Variants in MILR1 observed in about 807,000 individuals in gnomAD.
MILR1 encodes the protein mast cell immunoglobulin like receptor 1.
A neutral mutation model predicts 18.5 loss-of-function variants in MILR1; 31 were observed. The ratio of observed to expected loss-of-function variants is 1.68; its 90% CI spans 1.26 to 2.26. The LOEUF is 2.26. Among genes scored for constraint, MILR1 ranks in the 30% most tolerant of loss-of-function variants. The pLI, the probability that MILR1 is intolerant of heterozygous loss-of-function variation, is 0.00. For missense variants in MILR1, 257 were observed against 157.4 expected, an observed-to-expected ratio of 1.63 and a Z score of -3.38; for synonymous variants, 85 against 56.2, an observed-to-expected ratio of 1.51 and a Z score of -2.30.
At chr17:64,496,339 A>G in the MILR1 span, 1 of 1,032,900 alleles carries the variant, frequency 9.7e-7, no homozygotes. Context: ...GCAATCCCCA[A>G]GATCCAGCAA....
At chr17:64,489,533 G>A in the MILR1 span, among the ~76,000 whole-genome samples, 6 of 151,902 alleles carry the variant, frequency 3.9e-5, no homozygotes, top group African/African-American at 1.4e-4. Context: ...GGCTGAGGCA[G>A]GGGGATTGTT....
At chr17:64,482,949 T>C in the MILR1 span, 13 of 1,605,690 alleles carry the variant, frequency 8.1e-6, no homozygotes, top group Non-Finnish European at 1.1e-5. Context: ...GGCCTCTTCC[T>C]ACATCCAAAG....
At chr17:64,495,556 G>A in the MILR1 span, among the ~76,000 whole-genome samples, 1 of 152,190 alleles carries the variant, frequency 6.6e-6, no homozygotes, top group Non-Finnish European at 1.5e-5. Context: ...GAGTCTGGGT[G>A]ACAGAGTGAG....
chr17:64,477,496 G>C, the MILR1 span, among the ~76,000 whole-genome samples: 1 of 152,142 alleles, frequency 6.6e-6, no homozygotes, highest in Non-Finnish European at 1.5e-5. Context: ...ATAAACACCA[G>C]CGTACTAAAC....
downstream of MILR1, chr17:64,468,669 C>T (rs1443271038): frequency 9.1e-7 from 1 of 1,097,014 alleles, no homozygotes; most frequent in Non-Finnish European, 1.1e-6. Context: ...TCTGACTCTT[C>T]AATATTCTGC....
rs1288768046 is a variant in MILR1, at chr17:64,460,921, A to C, written c.752A>C (p.Lys251Thr). 1 of 474,780 alleles carries C rather than the reference A, an allele frequency of 2.1e-6. No individual in the cohort carries two copies. Among genetic ancestry groups the C allele is most frequent in the Non-Finnish European group, 3.9e-6 (1 of 258,724 alleles). The allele number at this position is 474,780 out of a possible 1,614,324, so 29.4% of individuals were successfully genotyped here. Residue 251 changes from lysine to threonine, a missense_variant, in exon 5 of 10, where the codon AAA becomes ACA. Transcript: ENST00000619286. ...ATTCTGGCTTTTTGGGTACTGCCCAAATACAAAACAAGTAAGTTCTTTTAG... is the reference window on the plus strand; with the variant it reads ...ATTCTGGCTTTTTGGGTACTGCCCACATACAAAACAAGTAAGTTCTTTTAG... ...ILILAFWVLP[K>T]YKTRKAMRNN...
At chr17:64,473,276 G>A (rs895767339), downstream of MILR1, among the ~76,000 whole-genome samples, 5 of 151,518 alleles carry the variant, frequency 3.3e-5, no homozygotes, top group Admixed American at 6.6e-5. Flanking sequence ...GTGTGAACCC[G>A]GGAGGCGGAG....
intron 2 of MILR1, among the ~76,000 whole-genome samples, chr17:64,451,931 CAA>C (rs1268220197): frequency 4.2e-5 from 5 of 118,570 alleles, no homozygotes; most frequent in Admixed American, 8.8e-5. Flanking sequence ...GACTCTGTCT[CAA>C]AAAAAAAAAA....
the MILR1 span, among the ~76,000 whole-genome samples, chr17:64,478,821 C>T: frequency 5.3e-5 from 8 of 151,944 alleles, no homozygotes; most frequent in African/African-American, 1.5e-4. Context: ...CGCTTGAACA[C>T]GGGAGGCAGA....
At chr17:64,481,680 C>A in the MILR1 span, among the ~76,000 whole-genome samples, 1 of 152,024 alleles carries the variant, frequency 6.6e-6, no homozygotes, top group Non-Finnish European at 1.5e-5. Flanking sequence ...GGAGACCAGC[C>A]TGGCCAACAT....
intron 5 of MILR1, among the ~76,000 whole-genome samples, chr17:64,461,569 A>AT (rs2037433420): frequency 6.6e-6 from 1 of 151,920 alleles, no homozygotes; most frequent in East Asian, 1.9e-4. Context: ...ATTCTTCATA[A>AT]TTTTTTGTAC....
downstream of MILR1, among the ~76,000 whole-genome samples, chr17:64,472,465 C>CAAAAAAAAAAAAAAAAAA (rs71158332): frequency 3.6e-4 from 5 of 13,920 alleles, no homozygotes; most frequent in East Asian, 4.5e-3. Context: ...GACTCCATCT[C>CAAAAAAAAAAAAAAAAAA]AAAAAAAAAA....
the MILR1 span, among the ~76,000 whole-genome samples, chr17:64,474,519 C>T: frequency 6.6e-6 from 1 of 152,092 alleles, no homozygotes; most frequent in Non-Finnish European, 1.5e-5. Context: ...GGACTATAGG[C>T]CTGAGCCACT....
intron 6 of MILR1, among the ~76,000 whole-genome samples, chr17:64,466,047 C>G (rs1484650004): frequency 2.0e-5 from 3 of 152,062 alleles, no homozygotes; most frequent in Non-Finnish European, 4.4e-5. Context: ...TGGGAGGCCT[C>G]GGGAGACTTA....
the MILR1 span, chr17:64,491,044 A>T: frequency 1.8e-6 from 2 of 1,131,336 alleles, no homozygotes; most frequent in Admixed American, 1.7e-5. Context: ...TATCTGTAAG[A>T]ATTTAAATTG....
chr17:64,477,699 AC>A, the MILR1 span: 1 of 1,082,750 alleles, frequency 9.2e-7, no homozygotes, highest in Non-Finnish European at 1.3e-6. Context: ...AAATATAAAC[AC>A]TGAATGAAAG....
intron 2 of MILR1, among the ~76,000 whole-genome samples, chr17:64,451,514 C>T (rs1377681489): frequency 6.6e-6 from 1 of 152,022 alleles, no homozygotes; most frequent in African/African-American, 2.4e-5. Context: ...TTGCAGTTGC[C>T]TCATTACTTG....
intron 6 of MILR1, 54 bp from the exon 7 acceptor site, chr17:64,466,388 C>A (rs1173968601): frequency 1.3e-6 from 2 of 1,526,462 alleles, no homozygotes. Context: ...ATTTACCGAC[C>A]TTTTCTAACA....
At chr17:64,455,226 T>C (rs997712122) in intron 3 of MILR1, among the ~76,000 whole-genome samples, 72 of 152,290 alleles carry the variant, frequency 4.7e-4, no homozygotes, top group African/African-American at 1.6e-3. Context: ...TTCCTGCAAT[T>C]TGTTAGGGTA....
Sources: allele counts gnomAD v4.1 joint callset (sites outside exome capture counted in the v4.1 genomes callset), GRCh38; gene constraint gnomAD v4.1.1; transcripts MANE v1.5; gene names NCBI Gene and HGNC (gene_info 2026-07-23, HGNC 2026-07-21).